ADAMTSL1: variants seen among roughly 807,000 people sequenced by gnomAD.
The protein encoded by ADAMTSL1 is ADAMTS like 1.
Under a neutral mutation model 201.8 loss-of-function variants are expected in ADAMTSL1, and 126 were observed. The ratio of observed to expected loss-of-function variants is 0.62; its 90% CI spans 0.54 to 0.72. ADAMTSL1 has a LOEUF of 0.72. ADAMTSL1 is among the 30% of genes least tolerant of loss of function. The pLI is 0.00. For synonymous variants in ADAMTSL1, 1,121 were observed against 903.4 expected (o/e 1.24, Z -4.32); for missense variants, 2,679 against 2,277.8 (o/e 1.18, Z -3.59).
chr9:18,612,363 A>T (rs1825433105), intron 4 of ADAMTSL1, among the ~76,000 whole-genome samples: 1 of 152,154 alleles, frequency 6.6e-6, no homozygotes, highest in Admixed American at 6.5e-5. Context: ...GCTTGAGACA[A>T]AGGGGAAAAT....
chr9:18,606,427 C>G (rs927284287), intron 4 of ADAMTSL1, among the ~76,000 whole-genome samples: 1 of 152,076 alleles, frequency 6.6e-6, no homozygotes, highest in African/African-American at 2.4e-5. Context: ...GGTTTTTAAA[C>G]AAAATGCTCT....
chr9:18,609,660 G>C (rs565966169), intron 4 of ADAMTSL1, among the ~76,000 whole-genome samples: 13 of 152,224 alleles, frequency 8.5e-5, no homozygotes, highest in African/African-American at 2.6e-4. Flanking sequence ...AGCTTCAGAT[G>C]CATTTCACAT....
intron 2 of ADAMTSL1, among the ~76,000 whole-genome samples, chr9:18,327,491 G>A (rs1834872591): frequency 6.6e-6 from 1 of 152,124 alleles, no homozygotes; most frequent in African/African-American, 2.4e-5. Context: ...GCCCACGTAG[G>A]CATTTTTCCC....
At chr9:18,852,804 A>G (rs1486308148) in intron 23 of ADAMTSL1, among the ~76,000 whole-genome samples, 1 of 152,226 alleles carries the variant, frequency 6.6e-6, no homozygotes, top group East Asian at 1.9e-4. Flanking sequence ...TTTGAGAATC[A>G]AATTAGATTA....
chr9:18,188,455 C>T (rs1297645412), intron 2 of ADAMTSL1, among the ~76,000 whole-genome samples: 1 of 152,076 alleles, frequency 6.6e-6, no homozygotes, highest in African/African-American at 2.4e-5. Flanking sequence ...GAGACGCTAT[C>T]TGGGAACATA....
At chr9:18,776,639 T>A (rs1386781992) in intron 18 of ADAMTSL1, 142 bp from the exon 19 acceptor site, 2 of 999,630 alleles carry the variant, frequency 2.0e-6, no homozygotes, top group Admixed American at 6.2e-5. Flanking sequence ...ATACTTTCTC[T>A]CCCGTCCTCC....
chr9:18,437,387 C>T (rs532447511), intron 2 of ADAMTSL1, among the ~76,000 whole-genome samples: 7 of 152,218 alleles, frequency 4.6e-5, no homozygotes, highest in African/African-American at 7.2e-5. Flanking sequence ...TGATTTGTCC[C>T]TCCAGTTTCT....
At chr9:17,981,395 A>G (rs1028757498) in intron 1 of ADAMTSL1, among the ~76,000 whole-genome samples, 4 of 152,214 alleles carry the variant, frequency 2.6e-5, no homozygotes, top group South Asian at 2.1e-4. Context: ...TTCATTAAGT[A>G]TGCTAGTCCT....
intron 2 of ADAMTSL1, among the ~76,000 whole-genome samples, chr9:18,377,901 G>T (rs1030274048): frequency 6.6e-6 from 1 of 152,038 alleles, no homozygotes; most frequent in Non-Finnish European, 1.5e-5. Flanking sequence ...ATTTGGAAAG[G>T]CCTAGTGGAC....
intron 26 of ADAMTSL1, among the ~76,000 whole-genome samples, chr9:18,893,765 T>C (rs1829442167): frequency 6.6e-6 from 1 of 152,186 alleles, no homozygotes; most frequent in African/African-American, 2.4e-5. Context: ...CACATTCCAC[T>C]CCTGTGAGAC....
intron 2 of ADAMTSL1, among the ~76,000 whole-genome samples, chr9:18,468,767 TGACTGGGGTCACA>T (rs1821098911): frequency 6.6e-6 from 1 of 152,228 alleles, no homozygotes; most frequent in Non-Finnish European, 1.5e-5. Context: ...TTTCTTCTAC[TGACTGGGGTCACA>T]GATTTTAACC....
chr9:18,397,571 G>A (rs1044619022), intron 2 of ADAMTSL1, among the ~76,000 whole-genome samples: 14 of 152,106 alleles, frequency 9.2e-5, no homozygotes, highest in Non-Finnish European at 1.5e-5. Flanking sequence ...GGTACTGGTG[G>A]AGGAAAGAAA....
At chr9:18,527,241 C>T (rs1317486895) in intron 2 of ADAMTSL1, among the ~76,000 whole-genome samples, 1 of 152,230 alleles carries the variant, frequency 6.6e-6, no homozygotes, top group African/African-American at 2.4e-5. Context: ...GTAACCCATT[C>T]TTGCTTAGCA....
At chr9:18,291,695 A>G (rs947140000) in intron 2 of ADAMTSL1, among the ~76,000 whole-genome samples, 1 of 140,088 alleles carries the variant, frequency 7.1e-6, no homozygotes, top group African/African-American at 2.9e-5. Flanking sequence ...GGGTGCGCAC[A>G]TGCTCTCTCT....
intron 2 of ADAMTSL1, among the ~76,000 whole-genome samples, chr9:18,437,275 G>A (rs377257933): frequency 1.7e-4 from 26 of 152,060 alleles, no homozygotes; most frequent in African/African-American, 2.4e-4. Context: ...TCCATGTCCC[G>A]TGTCCAAATA....
At chr9:18,298,786 G>A (rs938050458) in intron 2 of ADAMTSL1, among the ~76,000 whole-genome samples, 11 of 151,964 alleles carry the variant, frequency 7.2e-5, no homozygotes, top group African/African-American at 1.2e-4. Flanking sequence ...CACTTTGGGA[G>A]GCCGCAGCGG....
chr9:18,183,687 G>C (rs983899790), intron 2 of ADAMTSL1, among the ~76,000 whole-genome samples: 1 of 152,100 alleles, frequency 6.6e-6, no homozygotes, highest in African/African-American at 2.4e-5. Context: ...ACATCTATTA[G>C]AATGGTCAAA....
chr9:18,673,305 G>A (rs1371282778), intron 9 of ADAMTSL1, among the ~76,000 whole-genome samples: 1 of 152,146 alleles, frequency 6.6e-6, no homozygotes, highest in African/African-American at 2.4e-5. Flanking sequence ...CAACAGTGTA[G>A]TGAAAGGCTA....
chr9:18,846,928 T>C (rs58419941), intron 23 of ADAMTSL1, among the ~76,000 whole-genome samples: 1 of 152,184 alleles, frequency 6.6e-6, no homozygotes, highest in African/African-American at 2.4e-5. Flanking sequence ...CTCCTAGTGG[T>C]GGTGACACAT....
Sources: gnomAD v4.1 joint callset for allele counts (sites outside exome capture counted in the v4.1 genomes callset) on GRCh38, gnomAD v4.1.1 for gene constraint, MANE v1.5 for transcripts, NCBI Gene and HGNC (gene_info 2026-07-23, HGNC 2026-07-21) for gene names.